The following FBXL7 variants were observed in gnomAD, a reference collection of about 807,000 sequenced individuals.
FBXL7 encodes the protein F-box/LRR-repeat protein 7.
Under a neutral mutation model 38.3 loss-of-function variants are expected in FBXL7, and 12 were observed. That is an observed-to-expected ratio of 0.31 (90% CI 0.20 to 0.51). FBXL7 has a LOEUF of 0.51. FBXL7 is among the 20% of genes least tolerant of loss of function. The probability of loss-of-function intolerance (pLI) is 0.98; values close to 1 mark genes in which losing one functional copy is unlikely to be tolerated. For synonymous variants in FBXL7, 297 were observed against 300.9 expected (o/e 0.99, Z 0.13); for missense variants, 567 against 676.4 (o/e 0.84, Z 1.79).
chr5:15,589,646 A>G (rs1331814998), intron 1 of FBXL7, among the ~76,000 whole-genome samples: 1 of 152,114 alleles, frequency 6.6e-6, no homozygotes, highest in Non-Finnish European at 1.5e-5. Flanking sequence ...TGCATGATTT[A>G]TTTTTCTATT....
intron 3 of FBXL7, among the ~76,000 whole-genome samples, chr5:15,929,561 C>G (rs1287815386): frequency 2.7e-5 from 4 of 149,766 alleles, no homozygotes; most frequent in South Asian, 2.1e-4. Context: ...GAGTTCGAAG[C>G]TGCAGTGAAC....
intron 2 of FBXL7, among the ~76,000 whole-genome samples, chr5:15,743,960 C>T (rs1735953005): frequency 6.6e-6 from 1 of 152,162 alleles, no homozygotes; most frequent in Non-Finnish European, 1.5e-5. Context: ...GAAGTTGAAG[C>T]AGCTGGGACA....
intron 1 of FBXL7, among the ~76,000 whole-genome samples, chr5:15,518,436 C>G (rs17522642): frequency 0.033 from 5,001 of 152,264 alleles, 113 homozygotes; most frequent in Middle Eastern, 0.071. Context: ...TGAGCCCTCT[C>G]GATACCCTAG....
At chr5:15,824,185 A>G (rs1048599129) in intron 2 of FBXL7, among the ~76,000 whole-genome samples, 5 of 150,918 alleles carry the variant, frequency 3.3e-5, no homozygotes, top group African/African-American at 1.2e-4. Context: ...AATCCCAGCT[A>G]CTCGGGAGGC....
chr5:15,658,606 G>A (rs1200667567), intron 2 of FBXL7, among the ~76,000 whole-genome samples: 1 of 152,038 alleles, frequency 6.6e-6, no homozygotes, highest in Non-Finnish European at 1.5e-5. Flanking sequence ...TCCAGAAACC[G>A]AGCTCCCTGA....
chr5:15,640,951 T>C (rs1741348330), intron 2 of FBXL7, among the ~76,000 whole-genome samples: 1 of 152,168 alleles, frequency 6.6e-6, no homozygotes, highest in African/African-American at 2.4e-5. Context: ...GAGGAGCCCG[T>C]GTAGCTTAAG....
intron 2 of FBXL7, among the ~76,000 whole-genome samples, chr5:15,735,438 C>A (rs2126668625): frequency 6.6e-6 from 1 of 152,190 alleles, no homozygotes; most frequent in Admixed American, 6.5e-5. Context: ...GGTGTGTAAG[C>A]AGTGATGATG....
At position 15,524,336 on chromosome 5, in the gene FBXL7, T is replaced by C. The variant is rs537820425; in HGVS notation, c.37+23623T>C. ...GAATGGATTTTATCGTCCGTTTGTG[T>C]GAGTAAATGACACTTAACTTCTTGG... On this transcript the variant is annotated intron_variant, in intron 1 of 3. Transcript: ENST00000504595. Among the ~76,000 whole-genome samples, 11 of 152,292 alleles carry C rather than the reference T, an allele frequency of 7.2e-5. 1 individual carries two copies. The South Asian group carries it at 2.3e-3, about 32-fold the overall frequency.
intron 2 of FBXL7, among the ~76,000 whole-genome samples, chr5:15,714,347 G>T (rs1372018878): frequency 6.6e-6 from 1 of 152,154 alleles, no homozygotes; most frequent in African/African-American, 2.4e-5. Flanking sequence ...CTTCTTCCAT[G>T]ACTGTGAGAT....
intron 2 of FBXL7, among the ~76,000 whole-genome samples, chr5:15,876,265 G>C (rs1193253853): frequency 6.6e-6 from 1 of 152,144 alleles, no homozygotes; most frequent in African/African-American, 2.4e-5. Flanking sequence ...GGGGGGTTAG[G>C]GGAGGGATAG....
chr5:15,683,397 A>G (rs1415383558), intron 2 of FBXL7, among the ~76,000 whole-genome samples: 2 of 152,058 alleles, frequency 1.3e-5, no homozygotes, highest in Non-Finnish European at 2.9e-5. Flanking sequence ...GAGTCACCTA[A>G]CCCTGCTGGG....
intron 2 of FBXL7, among the ~76,000 whole-genome samples, chr5:15,801,005 T>A (rs1737550532): frequency 1.3e-5 from 2 of 152,148 alleles, no homozygotes; most frequent in Non-Finnish European, 2.9e-5. Context: ...GGATAGCAGT[T>A]TGCAAAGTCA....
At chr5:15,848,275 C>G (rs1445201492) in intron 2 of FBXL7, among the ~76,000 whole-genome samples, 1 of 151,972 alleles carries the variant, frequency 6.6e-6, no homozygotes, top group Non-Finnish European at 1.5e-5. Flanking sequence ...GTCATCAGGA[C>G]TACCTCAATT....
intron 2 of FBXL7, among the ~76,000 whole-genome samples, chr5:15,789,832 G>C (rs1364036389): frequency 6.6e-6 from 1 of 152,156 alleles, no homozygotes; most frequent in Non-Finnish European, 1.5e-5. Context: ...ATCACACCAG[G>C]CTATGAATTG....
intron 2 of FBXL7, among the ~76,000 whole-genome samples, chr5:15,803,681 C>T (rs1737630701): frequency 6.6e-6 from 1 of 152,026 alleles, no homozygotes; most frequent in Non-Finnish European, 1.5e-5. Flanking sequence ...CCTACCTAGC[C>T]TTTTCTCCAA....
intron 2 of FBXL7, among the ~76,000 whole-genome samples, chr5:15,857,128 C>A (rs143125570): frequency 2.0e-5 from 3 of 152,270 alleles, no homozygotes; most frequent in Admixed American, 6.5e-5. Flanking sequence ...AACCAAATGA[C>A]AGGGATAGAG....
intron 2 of FBXL7, among the ~76,000 whole-genome samples, chr5:15,704,429 G>C (rs1024053915): frequency 6.6e-6 from 1 of 152,136 alleles, no homozygotes; most frequent in Non-Finnish European, 1.5e-5. Flanking sequence ...AGGAAAACTT[G>C]TTGAGGTAAA....
At chr5:15,733,385 C>T (rs112086937) in intron 2 of FBXL7, among the ~76,000 whole-genome samples, 7 of 152,110 alleles carry the variant, frequency 4.6e-5, no homozygotes, top group East Asian at 3.9e-4. Flanking sequence ...GCCACCGCCC[C>T]GGCCAGAAAT....
chr5:15,612,234 G>A (rs959385569), intron 1 of FBXL7, among the ~76,000 whole-genome samples: 4 of 149,630 alleles, frequency 2.7e-5, no homozygotes, highest in African/African-American at 9.9e-5. Context: ...GGGAAAAAAA[G>A]TCTAAACAGT....
Sources: gnomAD v4.1 joint callset for allele counts (sites outside exome capture counted in the v4.1 genomes callset) on GRCh38, gnomAD v4.1.1 for gene constraint, MANE v1.5 for transcripts, NCBI Gene and HGNC (gene_info 2026-07-23, HGNC 2026-07-21) for gene names.